AGBL5: variants seen among roughly 807,000 people sequenced by gnomAD.
AGBL5 encodes the protein cytosolic carboxypeptidase-like protein 5.
A neutral mutation model predicts 88.0 loss-of-function variants in AGBL5; 51 were observed. The observed-to-expected ratio is 0.58, with a 90% CI of 0.46 to 0.73. The LOEUF is 0.73. Among genes scored for constraint, AGBL5 ranks in the 30% least tolerant of loss-of-function variants. The pLI is 0.00. For missense variants in AGBL5, 1,031 were observed against 1,162.2 expected, an observed-to-expected ratio of 0.89 and a Z score of 1.64; for synonymous variants, 446 against 438.8, an observed-to-expected ratio of 1.02 and a Z score of -0.21.
At position 27,067,510 on chromosome 2, in the gene AGBL5, C is replaced by G. The variant is rs775021473; in HGVS notation, c.2106C>G (p.Asp702Glu). The change falls in exon 12 of 15, where the codon GAC (aspartate) becomes GAG (glutamate). Residue 702 changes from aspartate (D) to glutamate (E), a missense_variant. Transcript: ENST00000360131. ...TCCACTCAGAGCCCCGAAGCCAGGA[C>G]AGGAGACGGCAGCAGCAGCCCCTGA... ...LGPVREPRSQ[D>E]RRRQQQPLNH... 4 of 1,613,958 alleles carry G rather than the reference C, an allele frequency of 2.5e-6. No homozygotes were observed. Among genetic ancestry groups the G allele is most frequent in the Admixed American group, 1.7e-5 (1 of 59,994 alleles).
rs1259096302 is a variant in AGBL5, at chr2:27,056,809, G to A, written c.1535+17G>A. ...AATCCACAGGTTGGGTGGAAGCTGAGATATAGTTGATGAAATAGCTTCCCT... is the reference window on the plus strand; with the variant it reads ...AATCCACAGGTTGGGTGGAAGCTGAAATATAGTTGATGAAATAGCTTCCCT... On this transcript the variant is annotated intron_variant, in intron 8 of 14. Transcript: ENST00000360131. 9 of 1,579,340 alleles carry A rather than the reference G, an allele frequency of 5.7e-6. No homozygotes were observed. Among genetic ancestry groups the A allele is most frequent in the Non-Finnish European group, 7.8e-6 (9 of 1,158,674 alleles).
In AGBL5 at chr2:27,055,249, T is replaced by A; in HGVS notation, c.904T>A (p.Tyr302Asn). 1 of 1,613,928 alleles carries A rather than the reference T, an allele frequency of 6.2e-7. No individual in the cohort carries two copies. The highest frequency in any genetic ancestry group is 8.5e-7 in the Non-Finnish European group (1 of 1,179,834). ...LNPDGVVRGH[Y>N]RTDSRGVNLN... ...CCCCGATGGTGTGGTCCGGGGACAC[T>A]ACCGGTAAGTGGCTTCCCCAGCCTG... is the stretch of plus-strand genomic sequence containing the variant. Residue 302 changes from tyrosine (Y) to asparagine (N), a missense_variant, in exon 6 of 15, where the codon TAC (tyrosine) becomes AAC (asparagine). By Grantham distance (143) the Tyr-to-Asn change is moderately radical. Coordinates refer to ENST00000360131, the MANE Select transcript of AGBL5 (RefSeq NM_021831.6).
chr2:27,050,714 G>A (rs1668037847), upstream of AGBL5, among the ~76,000 whole-genome samples: 2 of 152,224 alleles, frequency 1.3e-5, no homozygotes, highest in Non-Finnish European at 2.9e-5. Flanking sequence ...GGAGAAAGCG[G>A]GGGTCATGGC....
chr2:27,056,442 G>A lies in AGBL5; in HGVS notation c.1366-181G>A. On this transcript the variant is annotated intron_variant, in intron 7 of 14. Transcript: ENST00000360131. ...GGAAGCTAAAAGCTTAAAAAAAAAA[G>A]AATTGCTTCCCAACACCTAGAAGTA... The A allele has an allele frequency of 7.6e-6, 5 of 655,748 alleles. No individual in the cohort carries two copies. In the East Asian group the frequency reaches 8.5e-5, roughly 11 times the overall value. 40.6% of individuals were successfully genotyped at this position (655,748 alleles called of 1,614,324 possible).
chr2:27,067,365 G>C, intron 11 of AGBL5, 129 bp from the exon 12 acceptor site: 1 of 808,468 alleles, frequency 1.2e-6, no homozygotes, highest in Non-Finnish European at 2.0e-6. Flanking sequence ...CTTCAGGAGA[G>C]GGATGTGGGT....
In AGBL5 at chr2:27,059,422, C is replaced by T. The variant is rs909091502; in HGVS notation, c.2089+18C>T. The T allele has an allele frequency of 6.2e-7, 1 of 1,613,778 alleles. No individual in the cohort carries two copies. The highest frequency in any genetic ancestry group is 1.3e-5 in the African/African-American group (1 of 75,036). On this transcript the variant is annotated intron_variant, in intron 11 of 14. Coordinates refer to ENST00000360131, the MANE Select transcript of AGBL5 (RefSeq NM_021831.6). ...CGTCAGAGGTAAGCCAGTCTGGGAG[C>T]CCCTGCAACATGTGTTCGGTTGTCT...
intron 11 of AGBL5, 38 bp from the exon 12 acceptor site, chr2:27,067,456 T>C (rs1669046215): frequency 6.3e-7 from 1 of 1,598,682 alleles, no homozygotes. Context: ...GTGCCCCACT[T>C]ATTTGCCCTT....
At chr2:27,068,048 G>GT (rs1311758736) in intron 12 of AGBL5, among the ~76,000 whole-genome samples, 2 of 152,154 alleles carry the variant, frequency 1.3e-5, no homozygotes, top group Admixed American at 6.5e-5. Flanking sequence ...GTGTGTAGCC[G>GT]TATCATTCAC....
At position 27,053,592 on chromosome 2, in the gene AGBL5, G is replaced by A. The variant is rs1668285467; in HGVS notation, c.387+19G>A. ...CTTTGAGGTAAGTTCTCCATGAGGA[G>A]GAAAGAAAGACTTGGGTGCTAAAAG... On this transcript the variant is annotated intron_variant, in intron 3 of 14. Transcript: ENST00000360131. The surrounding 1 kb of genome is among the most constrained non-coding windows in gnomAD (Gnocchi z 4.9). 1.3e-6 allele frequency: 2 copies of A among 1,595,550 alleles called. No individual in the cohort carries two copies. The highest frequency in any genetic ancestry group is 2.3e-5 in the South Asian group (2 of 88,332).
intron 11 of AGBL5, among the ~76,000 whole-genome samples, chr2:27,067,206 G>A (rs189826272): frequency 3.7e-4 from 55 of 149,172 alleles, no homozygotes; most frequent in African/African-American, 1.2e-3. Flanking sequence ...AGCCATGATC[G>A]TGCCATTGTG....
intron 11 of AGBL5, among the ~76,000 whole-genome samples, chr2:27,063,124 CAG>C (rs1369225612): frequency 6.6e-6 from 1 of 152,194 alleles, no homozygotes; most frequent in Non-Finnish European, 1.5e-5. Context: ...TGGTAGAAGA[CAG>C]AGGAACTAAG....
In AGBL5 at chr2:27,055,762, A is replaced by G. The variant is rs1668394346; in HGVS notation, c.989A>G (p.Lys330Arg). 10 of 1,614,154 alleles carry G rather than the reference A, an allele frequency of 6.2e-6. No homozygotes were observed. The highest frequency in any genetic ancestry group is 7.6e-6 in the Non-Finnish European group (9 of 1,180,022). Reference sequence around the variant, plus strand: ...CTGCACCCGGCCATCTATGGGGCCAAAGCTGTGCTTCTCTACCACCATGTG... The same window carrying G: ...CTGCACCCGGCCATCTATGGGGCCAGAGCTGTGCTTCTCTACCACCATGTG... ...AVLHPAIYGA[K>R]AVLLYHHVHS... Residue 330 changes from lysine to arginine, a missense_variant, in exon 7 of 15, where the codon AAA becomes AGA. Physicochemically the swap from Lys to Arg is conservative, Grantham distance 26. Coordinates refer to ENST00000360131, the MANE Select transcript of AGBL5 (RefSeq NM_021831.6).
chr2:27,059,773 A>C (rs936438440), intron 11 of AGBL5, among the ~76,000 whole-genome samples: 1 of 152,128 alleles, frequency 6.6e-6, no homozygotes, highest in East Asian at 1.9e-4. Flanking sequence ...CAGAATCCAA[A>C]CTGCAGTACT....
At chr2:27,055,003 A>AC in intron 5 of AGBL5, 72 bp from the exon 6 acceptor site, 1 of 1,537,956 alleles carries the variant, frequency 6.5e-7, no homozygotes, top group Middle Eastern at 1.8e-4. Flanking sequence ...CTCATCCATG[A>AC]CACCCCCCAT....
At chr2:27,067,339 C>A (rs1669041869) in intron 11 of AGBL5, among the ~76,000 whole-genome samples, 155 bp from the exon 12 acceptor site, 1 of 150,770 alleles carries the variant, frequency 6.6e-6, no homozygotes, top group African/African-American at 2.4e-5. Context: ...TTCTACCCAT[C>A]TTATATTAAT....
Position 27,070,363 on chromosome 2 carries a change from G to A in AGBL5, c.*100G>A, listed in dbSNP as rs564471922. On this transcript the variant is annotated 3_prime_UTR_variant, in exon 15 of 15. Coordinates refer to ENST00000360131, the MANE Select transcript of AGBL5 (RefSeq NM_021831.6). ...AGGCCGCTGATTCCATGTGACAGCC[G>A]TTAAGTCCTTGGAATGCCAGCCACG... The A allele has an allele frequency of 4.5e-5, 59 of 1,300,462 alleles. No individual in the cohort carries two copies. Among genetic ancestry groups the A allele is most frequent in the Admixed American group, 1.3e-4 (7 of 54,954 alleles). The allele number at this position is 1,300,462 out of a possible 1,614,324, so 80.6% of individuals were successfully genotyped here.
chr2:27,068,487 C>T (rs1669105530), intron 12 of AGBL5, 145 bp from the exon 13 acceptor site: 1 of 648,590 alleles, frequency 1.5e-6, no homozygotes, highest in Non-Finnish European at 2.6e-6. Flanking sequence ...TGCGAAACAT[C>T]CTACAATGCA....
Position 27,070,386 on chromosome 2 carries a change from AC to A in AGBL5, c.*124del. 4.9e-6 allele frequency: 5 copies of A among 1,025,252 alleles called. No homozygotes were observed. Among genetic ancestry groups the A allele is most frequent in the Non-Finnish European group, 7.3e-6 (5 of 680,482 alleles). The allele number at this position is 1,025,252 out of a possible 1,614,324, so 63.5% of individuals were successfully genotyped here. A position where few individuals can be genotyped will look rare whatever the true frequency, so the allele number is the denominator to read the frequency against. ...CCGTTAAGTCCTTGGAATGCCAGCC[AC>A]GCTGTCCAAGGCATTACAGAGTATC... On this transcript the variant is annotated 3_prime_UTR_variant, in exon 15 of 15. Coordinates refer to ENST00000360131, the MANE Select transcript of AGBL5 (RefSeq NM_021831.6).
chr2:27,064,468 G>C (rs770286413), intron 11 of AGBL5, among the ~76,000 whole-genome samples: 11 of 151,254 alleles, frequency 7.3e-5, no homozygotes, highest in Non-Finnish European at 1.5e-4. Context: ...GCTGATTTTT[G>C]TATTTCTTTT....
Sources: allele counts gnomAD v4.1 joint callset (sites outside exome capture counted in the v4.1 genomes callset), GRCh38; gene constraint gnomAD v4.1.1; non-coding constraint Gnocchi (gnomAD v3.1); transcripts MANE v1.5; gene names NCBI Gene and HGNC (gene_info 2026-07-23, HGNC 2026-07-21).